The following SPOCK1 variants were observed in gnomAD, a reference collection of about 807,000 sequenced individuals.
SPOCK1 encodes SPARC (osteonectin), cwcv and kazal like domains proteoglycan 1.
In SPOCK1, 23 loss-of-function variants were observed where a neutral mutation model predicts 55.3. The observed-to-expected ratio is 0.42, with a 90% CI of 0.30 to 0.59. The LOEUF is 0.59. Among genes scored for constraint, SPOCK1 ranks in the 20% least tolerant of loss-of-function variants. The pLI is 0.22. For missense variants in SPOCK1, 499 were observed against 552.5 expected (o/e 0.90, Z 0.97); for synonymous variants, 226 against 221.0 (o/e 1.02, Z -0.20).
chr5:137,338,375 TCCATGGTGTATATGTG>T (rs1750335425), intron 2 of SPOCK1, among the ~76,000 whole-genome samples: 1 of 152,112 alleles, frequency 6.6e-6, no homozygotes, highest in African/African-American at 2.4e-5. Context: ...TGCATAGTAT[TCCATGGTGTATATGTG>T]CCACATTTTC....
chr5:137,460,115 G>A (rs1753449571), intron 2 of SPOCK1, among the ~76,000 whole-genome samples: 1 of 152,180 alleles, frequency 6.6e-6, no homozygotes, highest in Non-Finnish European at 1.5e-5. Flanking sequence ...TCAATTCACT[G>A]AATTGAATTA....
intron 3 of SPOCK1, among the ~76,000 whole-genome samples, chr5:137,206,659 G>A (rs1045243395): frequency 7.2e-5 from 11 of 152,192 alleles, no homozygotes; most frequent in African/African-American, 2.7e-4. Flanking sequence ...AATGCTAATT[G>A]TAATTCTACA....
chr5:137,096,494 T>C (rs1753149393), intron 5 of SPOCK1, among the ~76,000 whole-genome samples: 1 of 152,090 alleles, frequency 6.6e-6, no homozygotes, highest in African/African-American at 2.4e-5. Context: ...GGGCTTGTGA[T>C]CATAAAATCA....
intron 2 of SPOCK1, among the ~76,000 whole-genome samples, chr5:137,315,781 T>C (rs1757869309): frequency 6.6e-6 from 1 of 152,214 alleles, no homozygotes; most frequent in Non-Finnish European, 1.5e-5. Flanking sequence ...GCTGAAATGA[T>C]ACAGACAACT....
chr5:137,380,419 G>C (rs921914286), intron 2 of SPOCK1, among the ~76,000 whole-genome samples: 2 of 152,202 alleles, frequency 1.3e-5, no homozygotes, highest in African/African-American at 2.4e-5. Context: ...TTCTGAAAAA[G>C]TCTCTTGCTT....
At chr5:137,044,898 G>T (rs1456626333) in intron 6 of SPOCK1, among the ~76,000 whole-genome samples, 4 of 145,306 alleles carry the variant, frequency 2.8e-5, no homozygotes, top group African/African-American at 1.0e-4. Flanking sequence ...GCGGTGTTTG[G>T]TTTTTTGTTC....
intron 3 of SPOCK1, among the ~76,000 whole-genome samples, chr5:137,225,229 A>G (rs889297396): frequency 6.6e-6 from 1 of 152,020 alleles, no homozygotes; most frequent in African/African-American, 2.4e-5. Context: ...CTCAGTTTCC[A>G]TCTCTACCAT....
chr5:137,487,817 C>T (rs1038339060), intron 2 of SPOCK1, among the ~76,000 whole-genome samples: 1 of 152,200 alleles, frequency 6.6e-6, no homozygotes, highest in Non-Finnish European at 1.5e-5. Flanking sequence ...TCCAGGAAAA[C>T]CTCATGACAA....
intron 3 of SPOCK1, among the ~76,000 whole-genome samples, chr5:137,201,615 T>C (rs545015868): frequency 6.6e-6 from 1 of 152,318 alleles, no homozygotes; most frequent in African/African-American, 2.4e-5. Context: ...CTGGTACCAA[T>C]GCCAACGTTA....
At chr5:137,389,422 C>A (rs1383248276) in intron 2 of SPOCK1, among the ~76,000 whole-genome samples, 1 of 152,248 alleles carries the variant, frequency 6.6e-6, no homozygotes, top group Non-Finnish European at 1.5e-5. Context: ...CATCCTTCAT[C>A]AGGGTTCAAG....
intron 2 of SPOCK1, among the ~76,000 whole-genome samples, chr5:137,318,849 T>C (rs984103718): frequency 1.3e-5 from 2 of 152,234 alleles, no homozygotes; most frequent in African/African-American, 4.8e-5. Context: ...GACATGCTGC[T>C]GAGGGCAGAG....
intron 4 of SPOCK1, among the ~76,000 whole-genome samples, chr5:137,126,672 G>A (rs1215536747): frequency 2.0e-5 from 3 of 152,174 alleles, no homozygotes; most frequent in Non-Finnish European, 2.9e-5. Context: ...TGAGGCAGGG[G>A]AATCACTTGA....
chr5:137,055,444 C>T (rs1420691584), intron 6 of SPOCK1, among the ~76,000 whole-genome samples: 3 of 152,166 alleles, frequency 2.0e-5, no homozygotes, highest in East Asian at 3.9e-4. Context: ...GCAAGGTACA[C>T]GAAGTAACAG....
At chr5:137,267,127 C>T in intron 2 of SPOCK1, 72 bp from the exon 3 acceptor site, 1 of 1,310,388 alleles carries the variant, frequency 7.6e-7, no homozygotes, top group Non-Finnish European at 1.1e-6. Flanking sequence ...TAAAAACCTG[C>T]CTTCCTTTTC....
intron 5 of SPOCK1, among the ~76,000 whole-genome samples, chr5:137,076,357 A>G (rs1752760092): frequency 6.6e-6 from 1 of 152,190 alleles, no homozygotes; most frequent in Non-Finnish European, 1.5e-5. Context: ...AGCATATCAC[A>G]AGTACAGGTG....
intron 2 of SPOCK1, among the ~76,000 whole-genome samples, chr5:137,386,511 A>G (rs1751601925): frequency 2.0e-5 from 3 of 152,266 alleles, no homozygotes; most frequent in Non-Finnish European, 4.4e-5. Context: ...AGAACTAGAA[A>G]TAGACCCACA....
At chr5:137,093,781 C>A (rs1365163634) in intron 5 of SPOCK1, among the ~76,000 whole-genome samples, 1 of 152,148 alleles carries the variant, frequency 6.6e-6, no homozygotes, top group Non-Finnish European at 1.5e-5. Flanking sequence ...ACATTGGAAG[C>A]AGAAAAGCCA....
At chr5:137,456,655 T>C (rs71589364) in intron 2 of SPOCK1, among the ~76,000 whole-genome samples, 2,136 of 152,282 alleles carry the variant, frequency 0.014, 24 homozygotes, top group Middle Eastern at 0.034. Context: ...AAGGAGAAAG[T>C]CTTTGTCCTC....
At position 136,994,898 on chromosome 5, in the gene SPOCK1, G is replaced by T. The variant is rs1235591760; in HGVS notation, c.590-2298C>A. On this transcript the variant is annotated intron_variant, in intron 6 of 10. Transcript: ENST00000394945. ...TGCATGCCTGTGATCCCAACTACTT[G>T]GAAGGCTGACACAGGAGAATCGCTT... is the stretch of plus-strand genomic sequence containing the variant. Among the ~76,000 whole-genome samples the T allele has an allele frequency of 2.0e-5, 3 of 151,944 alleles. No homozygotes were observed. The South Asian group carries it at 6.2e-4, about 32-fold the overall frequency.
Sources: allele counts gnomAD v4.1 joint callset (sites outside exome capture counted in the v4.1 genomes callset), GRCh38; gene constraint gnomAD v4.1.1; transcripts MANE v1.5; gene names NCBI Gene and HGNC (gene_info 2026-07-23, HGNC 2026-07-21).